Variants in SNX5 observed in about 807,000 individuals in gnomAD.
The protein encoded by SNX5 is sorting nexin 5.
In SNX5, 31 loss-of-function variants were observed where a neutral mutation model predicts 53.9. That is an observed-to-expected ratio of 0.58 (90% confidence interval 0.43 to 0.78). The LOEUF (loss-of-function observed/expected upper bound fraction) is 0.78. SNX5 is among the 30% of genes least tolerant of loss of function. The pLI is 0.00. For synonymous variants in SNX5, 168 were observed against 171.1 expected, an observed-to-expected ratio of 0.98 and a Z score of 0.14; for missense variants, 471 against 478.8, an observed-to-expected ratio of 0.98 and a Z score of 0.15.
chr20:17,944,343 G>A (rs1420285906), intron 11 of SNX5: 3 of 152,060 alleles, frequency 2.0e-5, no homozygotes, highest in Non-Finnish European at 4.4e-5. Flanking sequence ...AAAAATGAAA[G>A]ATGTTAATTA....
At chr20:17,965,104 A>C (rs750623729) in intron 1 of SNX5, among the ~76,000 whole-genome samples, 6 of 152,220 alleles carry the variant, frequency 3.9e-5, no homozygotes, top group Admixed American at 1.3e-4. Flanking sequence ...AAGCACACAA[A>C]GACTAGCTTC....
intron 1 of SNX5, among the ~76,000 whole-genome samples, chr20:17,966,170 G>A (rs1164072031): frequency 2.0e-5 from 3 of 152,042 alleles, no homozygotes; most frequent in African/African-American, 4.8e-5. Context: ...ACTAGGCTGC[G>A]AAGGTCGAGT....
intron 1 of SNX5, among the ~76,000 whole-genome samples, chr20:17,967,366 A>C (rs1027078613): frequency 6.6e-6 from 1 of 151,962 alleles, no homozygotes; most frequent in Non-Finnish European, 1.5e-5. Context: ...ACTCTAAACA[A>C]CACCCTCCTG....
At chr20:17,951,393 T>TC in intron 6 of SNX5, 107 bp downstream of exon 6, 1 of 706,952 alleles carries the variant, frequency 1.4e-6, no homozygotes, top group Non-Finnish European at 2.5e-6. Context: ...CACTTACATG[T>TC]CTTAAAAGTT....
In SNX5 at chr20:17,955,509, C is replaced by T. The variant is rs576565982; in HGVS notation, c.157-34G>A. 1.8e-5 allele frequency: 26 copies of T among 1,478,252 alleles called. No individual in the cohort carries two copies. In the Middle Eastern group the frequency reaches 5.2e-4, roughly 29 times the overall value. 91.6% of individuals were successfully genotyped at this position (1,478,252 alleles called of 1,614,324 possible). On this transcript the variant is annotated intron_variant, in intron 2 of 12. Transcript: ENST00000377759. ...AAAGAAAGAAGTTAACTGGTAACCA[C>T]GACTTTTAGATAAGTGATCTGGGTT...
chr20:17,951,663 G>C, intron 5 of SNX5, 68 bp from the exon 6 acceptor site: 1 of 1,077,338 alleles, frequency 9.3e-7, no homozygotes, highest in South Asian at 1.3e-5. Flanking sequence ...AAGAAGTTCT[G>C]AGTAACATTT....
intron 1 of SNX5, 70 bp downstream of exon 1, chr20:17,968,305 G>A (rs528636584): frequency 4.2e-6 from 5 of 1,198,792 alleles, no homozygotes; most frequent in East Asian, 3.2e-5. Flanking sequence ...GACGCGCAAG[G>A]GAAAGAATGC....
chr20:17,952,395 AG>A (rs1439790831), intron 5 of SNX5, among the ~76,000 whole-genome samples, 191 bp downstream of exon 5: 2 of 152,164 alleles, frequency 1.3e-5, no homozygotes, highest in Non-Finnish European at 2.9e-5. Flanking sequence ...AGGTTTTGGA[AG>A]GGGAAAGAAG....
chr20:17,954,655 A>C (rs1358669547), intron 3 of SNX5, among the ~76,000 whole-genome samples: 2 of 152,202 alleles, frequency 1.3e-5, no homozygotes, highest in African/African-American at 4.8e-5. Flanking sequence ...AAATCAGTTA[A>C]GTCTGTTCCT....
In SNX5 at chr20:17,966,893, G is replaced by A. The variant is rs144348909; in HGVS notation, c.51+1482C>T. 4.5e-3 allele frequency among the ~76,000 whole-genome samples: 683 copies of A among 152,256 alleles called. 6 individuals carry two copies. Among genetic ancestry groups the A allele is most frequent in the African/African-American group, 0.016 (665 of 41,540 alleles). ...AGACCACAGCAGGTTATCAGCATCA[G>A]CAGAGATCAGAAAACAAAAATAAAG... On this transcript the variant is annotated intron_variant, in intron 1 of 12. Transcript: ENST00000377759.
At chr20:17,958,741 A>G (rs946448566) in intron 1 of SNX5, among the ~76,000 whole-genome samples, 73 of 152,362 alleles carry the variant, frequency 4.8e-4, no homozygotes, top group African/African-American at 1.7e-3. Context: ...TCATTTGATC[A>G]TAACTGACTC....
chr20:17,954,311 G>C lies in SNX5; in HGVS notation c.268-194C>G, dbSNP rs189112640. The C allele has an allele frequency of 2.9e-4, 218 of 759,504 alleles. No homozygotes were observed. The African/African-American group carries it at 3.6e-3, about 12-fold the overall frequency. 47.0% of individuals were successfully genotyped at this position (759,504 alleles called of 1,614,324 possible). On this transcript the variant is annotated intron_variant, in intron 3 of 12. Transcript: ENST00000377759. ...TTTAAAATGAGGTGTCTTCCTGAGA[G>C]TTGCATATTCACTTTGATGGCAATC...
Position 17,952,684 on chromosome 20 carries a change from G to C in SNX5, c.416C>G (p.Thr139Ser), listed in dbSNP as rs759144343. ...EAEYLAVFKK[T>S]VSSHEVFLQR... ...AAGAAAGACTTCATGGGAGGACACA[G>C]TCTTCTTAAACACAGCGAGATACTC... is the stretch of plus-strand genomic sequence containing the variant. The change falls in exon 5 of 13, where the codon ACT becomes AGT. Residue 139 changes from threonine (T) to serine (S), a missense_variant. By Grantham distance (58) the Thr-to-Ser change is moderately conservative. Transcript: ENST00000377759. The C allele has an allele frequency of 1.2e-6, 2 of 1,613,908 alleles. No individual in the cohort carries two copies. Among genetic ancestry groups the C allele is most frequent in the Non-Finnish European group, 1.7e-6 (2 of 1,179,984 alleles).
At chr20:17,950,469 A>G (rs953809549) in intron 6 of SNX5, 73 bp from the exon 7 acceptor site, 4 of 809,668 alleles carry the variant, frequency 4.9e-6, no homozygotes, top group Non-Finnish European at 4.0e-6. Context: ...ATTTATCAAT[A>G]TAAAAATATA....
At position 17,960,081 on chromosome 20, in the gene SNX5, A is replaced by T. The variant is rs746311851; in HGVS notation, c.52-3044T>A. On this transcript the variant is annotated intron_variant, in intron 1 of 12. Coordinates refer to ENST00000377759, the MANE Select transcript of SNX5 (RefSeq NM_014426.4). The stretch of plus-strand genomic sequence containing the variant: ...TGGGCATGCCGGACCTTTACCATGC[A>T]AAGTTTTACCTCTTTTCCAGATCCC... 1.8e-4 allele frequency among the ~76,000 whole-genome samples: 28 copies of T among 152,328 alleles called. No individual in the cohort carries two copies. The Middle Eastern group carries it at 0.01, about 56-fold the overall frequency.
chr20:17,946,435 G>A lies in SNX5; in HGVS notation c.1078+1051C>T, dbSNP rs538380246. ...CACTCTAAAAAAGACGGGTTAGGCT[G>A]TTACAACCACATGCCAGCTTAAAGG... On this transcript the variant is annotated intron_variant, in intron 11 of 12. Transcript: ENST00000377759. Among the ~76,000 whole-genome samples the A allele has an allele frequency of 5.3e-5, 8 of 152,356 alleles. No homozygotes were observed. In the South Asian group the frequency reaches 8.3e-4, roughly 16 times the overall value.
In SNX5 at chr20:17,959,938, T is replaced by C. The variant is rs1057413930; in HGVS notation, c.52-2901A>G. On this transcript the variant is annotated intron_variant, in intron 1 of 12. Coordinates refer to ENST00000377759, the MANE Select transcript of SNX5 (RefSeq NM_014426.4). ...CCCCTTAAGCTTGAAGGGCTCAGAG[T>C]ACTCCTTAGCCCTGCTGGCCAACAC... 9.9e-5 allele frequency among the ~76,000 whole-genome samples: 15 copies of C among 152,066 alleles called. 1 individual carries two copies. The highest frequency in any genetic ancestry group is 3.6e-4 in the African/African-American group (15 of 41,416).
At chr20:17,948,356 T>C (rs1031178017) in intron 10 of SNX5, among the ~76,000 whole-genome samples, 1 of 152,212 alleles carries the variant, frequency 6.6e-6, no homozygotes, top group African/African-American at 2.4e-5. Context: ...TTAACTAAAA[T>C]AAAATTGCAT....
At chr20:17,954,927 G>A (rs911072038) in intron 3 of SNX5, among the ~76,000 whole-genome samples, 2 of 152,086 alleles carry the variant, frequency 1.3e-5, no homozygotes, top group African/African-American at 4.8e-5. Context: ...GCCCAGGCAC[G>A]TCTTAAAATT....
Sources: gnomAD v4.1 joint callset for allele counts (sites outside exome capture counted in the v4.1 genomes callset) on GRCh38, gnomAD v4.1.1 for gene constraint, MANE v1.5 for transcripts, NCBI Gene and HGNC (gene_info 2026-07-23, HGNC 2026-07-21) for gene names.